VCAN: variants seen among roughly 807,000 people sequenced by gnomAD.
VCAN encodes versican, also known as versican core protein.
A neutral mutation model predicts 245.5 loss-of-function variants in VCAN; 44 were observed. The ratio of observed to expected loss-of-function variants is 0.18; its 90% CI spans 0.14 to 0.23. The LOEUF (loss-of-function observed/expected upper bound fraction) is 0.23. VCAN is among the 10% of genes least tolerant of loss of function. VCAN has a pLI of 1.00. For missense variants in VCAN, 3,793 were observed against 4,057.9 expected (o/e 0.93, Z 1.77); for synonymous variants, 1,413 against 1,437.0 (o/e 0.98, Z 0.38).
At position 83,580,601 on chromosome 5, in the gene VCAN, G is replaced by T; in HGVS notation, c.*167G>T. ...CAAAACATTTTAAATGAAAGTATTGGCATTCAAAAAGACAGCAGACAAAAT... is the reference window on the plus strand; with the variant it reads ...CAAAACATTTTAAATGAAAGTATTGTCATTCAAAAAGACAGCAGACAAAAT... On this transcript the variant is annotated 3_prime_UTR_variant, in exon 15 of 15. Coordinates refer to ENST00000265077, the MANE Select transcript of VCAN (RefSeq NM_004385.5). 1.0e-6 allele frequency: 1 copy of T among 991,912 alleles called. No individual in the cohort carries two copies. The highest frequency in any genetic ancestry group is 1.5e-6 in the Non-Finnish European group (1 of 658,494). The allele number at this position is 991,912 out of a possible 1,614,324, so 61.4% of individuals were successfully genotyped here.
chr5:83,531,948 A>G (rs1746538341), intron 7 of VCAN, among the ~76,000 whole-genome samples: 2 of 152,170 alleles, frequency 1.3e-5, no homozygotes, highest in Admixed American at 6.6e-5. Context: ...TACACCCTGT[A>G]GAGTTCTGTG....
chr5:83,488,863 T>C (rs1185125989), intron 2 of VCAN, among the ~76,000 whole-genome samples: 2 of 152,236 alleles, frequency 1.3e-5, no homozygotes, highest in Admixed American at 1.3e-4. Context: ...TTTATTTGCA[T>C]CACATGAAAT....
At chr5:83,528,821 A>G (rs759655771) in intron 7 of VCAN, among the ~76,000 whole-genome samples, 1 of 152,098 alleles carries the variant, frequency 6.6e-6, no homozygotes, top group Admixed American at 6.6e-5. Flanking sequence ...AAGTTAGGGA[A>G]TCTGGAGTCA....
intron 5 of VCAN, among the ~76,000 whole-genome samples, chr5:83,503,826 G>A (rs780166517): frequency 1.3e-5 from 2 of 152,172 alleles, no homozygotes; most frequent in Non-Finnish European, 2.9e-5. Context: ...GTCAGTGGGG[G>A]AGAAATATCC....
In VCAN at chr5:83,490,360, C is replaced by A. The variant is rs756522750; in HGVS notation, c.333C>A (p.Gly111=). 6.2e-7 allele frequency: 1 copy of A among 1,614,160 alleles called. No individual in the cohort carries two copies. The highest frequency in any genetic ancestry group is 8.5e-7 in the Non-Finnish European group (1 of 1,180,028). ...TGCCCACACATCCCGAGGCTGTGGG[C>A]GATGCCTCCCTCACTGTGGTCAAGC... ...VSVPTHPEAV[G]DASLTVVKLL... The change falls in exon 3 of 15, where the codon GGC becomes GGA. Residue 111 remains glycine, a synonymous_variant. Transcript: ENST00000265077.
intron 5 of VCAN, among the ~76,000 whole-genome samples, chr5:83,510,306 A>C (rs983615209): frequency 6.6e-6 from 1 of 152,172 alleles, no homozygotes; most frequent in South Asian, 2.1e-4. Context: ...TGCTTTGGCC[A>C]TTTTCCCCAT....
chr5:83,486,429 A>T lies in VCAN; in HGVS notation c.70+2841A>T, dbSNP rs1174682502. 2.6e-5 allele frequency among the ~76,000 whole-genome samples: 4 copies of T among 152,356 alleles called. No individual in the cohort carries two copies. The East Asian group carries it at 5.8e-4, about 22-fold the overall frequency. On this transcript the variant is annotated intron_variant, in intron 2 of 14. Transcript: ENST00000265077. Reference sequence around the variant, plus strand: ...GTTCCACCAATTGGATCATGAAGACATGCTAATCAGATGGTGAAGCCTAGG... The same window carrying T: ...GTTCCACCAATTGGATCATGAAGACTTGCTAATCAGATGGTGAAGCCTAGG...
At chr5:83,489,503 G>C (rs1332675371) in intron 2 of VCAN, among the ~76,000 whole-genome samples, 4 of 152,130 alleles carry the variant, frequency 2.6e-5, no homozygotes, top group Non-Finnish European at 5.9e-5. Flanking sequence ...ATGGTAGCTG[G>C]ATTTGTTATA....
Position 83,539,421 on chromosome 5 carries a change from T to A in VCAN, c.6418T>A (p.Phe2140Ile), listed in dbSNP as rs1746873637. The change falls in exon 8 of 15, where the codon TTT becomes ATT. Residue 2140 changes from phenylalanine (F) to isoleucine (I), a missense_variant. Phe to Ile is a conservative substitution (Grantham distance 21, BLOSUM62 0). Around this residue, in one of 5 missense-constraint regions of VCAN, gnomAD observed 3,182 missense variants for 3,250.3 expected, o/e 0.98. Transcript: ENST00000265077. ...CTCTCCTGCAACAGAACAAACAATC[T>A]TTGATTCACAGACATTTACTGAAAC... ...QNSPATEQTI[F>I]DSQTFTETEL... 1.2e-6 allele frequency: 2 copies of A among 1,613,774 alleles called. No individual in the cohort carries two copies. Among genetic ancestry groups the A allele is most frequent in the Non-Finnish European group, 1.7e-6 (2 of 1,179,908 alleles).
At chr5:83,498,215 A>G (rs1158094840) in intron 5 of VCAN, among the ~76,000 whole-genome samples, 2 of 152,122 alleles carry the variant, frequency 1.3e-5, no homozygotes, top group South Asian at 2.1e-4. Flanking sequence ...CTGAAGACCT[A>G]GGTGATTCTT....
At chr5:83,500,466 C>T (rs1745298605) in intron 5 of VCAN, among the ~76,000 whole-genome samples, 1 of 152,076 alleles carries the variant, frequency 6.6e-6, no homozygotes, top group South Asian at 2.1e-4. Flanking sequence ...GTAGTGACTC[C>T]AGTAAGATTG....
In VCAN at chr5:83,541,714, A is replaced by G. The variant is rs1189510182; in HGVS notation, c.8711A>G (p.Asp2904Gly). Residue 2904 changes from aspartate to glycine, a missense_variant, in exon 8 of 15, where the codon GAT (aspartate) becomes GGT (glycine). Physicochemically the swap from Asp to Gly is moderately conservative, Grantham distance 94. Around this residue, in one of 5 missense-constraint regions of VCAN, gnomAD observed 3,182 missense variants for 3,250.3 expected, o/e 0.98. Coordinates refer to ENST00000265077, the MANE Select transcript of VCAN (RefSeq NM_004385.5). ...ACAAAATTAGAACCTTCAGAAGATGATGGTAAACCTGAGTTATTAGAAGAA... is the reference window on the plus strand; with the variant it reads ...ACAAAATTAGAACCTTCAGAAGATGGTGGTAAACCTGAGTTATTAGAAGAA... ...PDTKLEPSEDDGKPELLEEME... is the reference protein window; with the variant it reads ...PDTKLEPSEDGGKPELLEEME... 2.5e-6 allele frequency: 4 copies of G among 1,613,926 alleles called. No individual in the cohort carries two copies. The highest frequency in any genetic ancestry group is 3.4e-6 in the Non-Finnish European group (4 of 1,180,010).
chr5:83,512,634 C>T, intron 6 of VCAN: 2 of 535,006 alleles, frequency 3.7e-6, no homozygotes, highest in Non-Finnish European at 6.6e-6. Context: ...TAAGCTGTAA[C>T]TGTGCTCTGT....
chr5:83,577,471 CT>C (rs1748526800), intron 13 of VCAN, among the ~76,000 whole-genome samples: 1 of 152,162 alleles, frequency 6.6e-6, no homozygotes, highest in Admixed American at 6.6e-5. Context: ...CCCTTCTGAA[CT>C]TCCCCATAAA....
intron 7 of VCAN, among the ~76,000 whole-genome samples, chr5:83,535,006 G>A (rs892878541): frequency 1.3e-5 from 2 of 151,964 alleles, no homozygotes; most frequent in African/African-American, 4.8e-5. Context: ...TAATATTGAA[G>A]AAACCTAGTC....
rs764322664 is a variant in VCAN, at chr5:83,540,043, C to G, written c.7040C>G (p.Ala2347Gly). 7 of 1,613,918 alleles carry G rather than the reference C, an allele frequency of 4.3e-6. No homozygotes were observed. In the East Asian group the frequency reaches 6.7e-5, roughly 15 times the overall value. The change falls in exon 8 of 15, where the codon GCA becomes GGA. Residue 2347 changes from alanine (A) to glycine (G), a missense_variant. Physicochemically the swap from Ala to Gly is moderately conservative, Grantham distance 60. Coordinates refer to ENST00000265077, the MANE Select transcript of VCAN (RefSeq NM_004385.5). ...ACTGGAGCAGAAGGACCCACGGTGGCACCTCTCCCTTTCTCCACGGACATC... is the reference window on the plus strand; with the variant it reads ...ACTGGAGCAGAAGGACCCACGGTGGGACCTCTCCCTTTCTCCACGGACATC... ...SDTGAEGPTVAPLPFSTDIGH... is the reference protein window; with the variant it reads ...SDTGAEGPTVGPLPFSTDIGH...
chr5:83,517,866 A>C (rs1158496660), intron 6 of VCAN, among the ~76,000 whole-genome samples: 1 of 152,200 alleles, frequency 6.6e-6, no homozygotes, highest in Non-Finnish European at 1.5e-5. Flanking sequence ...GAGCTTTAAA[A>C]TGGTCTGGGG....
Position 83,540,893 on chromosome 5 carries a change from T to C in VCAN, c.7890T>C (p.Ser2630=). 6.2e-7 allele frequency: 1 copy of C among 1,614,040 alleles called. No individual in the cohort carries two copies. Among genetic ancestry groups the C allele is most frequent in the Non-Finnish European group, 8.5e-7 (1 of 1,179,984 alleles). ...QEIYEAAVNL[S]LTEETFEGSA... is the part of the protein sequence containing the mutation. ...TCTATGAGGCAGCTGTCAACCTTTC[T>C]TTAACTGAGGAAACATTTGAGGGCT... The change falls in exon 8 of 15, where the codon TCT becomes TCC. Residue 2630 remains serine, a synonymous_variant. Transcript: ENST00000265077.
At chr5:83,530,981 C>T (rs1003495636) in intron 7 of VCAN, among the ~76,000 whole-genome samples, 6 of 152,064 alleles carry the variant, frequency 3.9e-5, no homozygotes, top group African/African-American at 1.4e-4. Context: ...GGGAAACACA[C>T]ATCCATTGAC....
Sources: allele counts gnomAD v4.1 joint callset (sites outside exome capture counted in the v4.1 genomes callset), GRCh38; gene constraint gnomAD v4.1.1; regional missense constraint gnomAD v4.1.1; transcripts MANE v1.5; gene names NCBI Gene and HGNC (gene_info 2026-07-23, HGNC 2026-07-21).